The following MNAT1 variants were observed in gnomAD, a reference collection of about 807,000 sequenced individuals.
MNAT1 encodes MNAT1 component of CDK activating kinase.
Under a neutral mutation model 42.0 loss-of-function variants are expected in MNAT1, and 43 were observed. The ratio of observed to expected loss-of-function variants is 1.02; its 90% CI spans 0.80 to 1.32. The LOEUF is 1.32. Among genes scored for constraint, MNAT1 ranks in the 40% most tolerant of loss-of-function variants. MNAT1 has a pLI of 0.00. For missense variants in MNAT1, 306 were observed against 350.4 expected, an observed-to-expected ratio of 0.87 and a Z score of 1.01; for synonymous variants, 118 against 120.0, an observed-to-expected ratio of 0.98 and a Z score of 0.11.
rs1394541959 is a variant in MNAT1 at position 60,898,717 on chromosome 14, C to T, written c.809+18882C>T. ...TCCCAATCAACATCTTGTCTCCTCA[C>T]TCTGTTGATTGTTTCCTTTGCTGTG... On this transcript the variant is annotated intron_variant, in intron 7 of 7. Transcript: ENST00000261245. Among the ~76,000 whole-genome samples the T allele has an allele frequency of 2.0e-5, 3 of 152,240 alleles. No homozygotes were observed. In the East Asian group the frequency reaches 5.8e-4, roughly 29 times the overall value.
At chr14:60,815,549 T>C (rs527271415) in intron 5 of MNAT1, among the ~76,000 whole-genome samples, 8 of 152,220 alleles carry the variant, frequency 5.3e-5, no homozygotes, top group Non-Finnish European at 1.0e-4. Flanking sequence ...ACTGTTTTGC[T>C]GCCTCATTGA....
intron 6 of MNAT1, among the ~76,000 whole-genome samples, chr14:60,842,262 T>G (rs538101187): frequency 2.0e-5 from 3 of 152,386 alleles, no homozygotes; most frequent in South Asian, 4.1e-4. Context: ...CAGAAAATAT[T>G]TGTTAACTCC....
intron 6 of MNAT1, among the ~76,000 whole-genome samples, chr14:60,876,170 T>A (rs2034432319): frequency 6.6e-6 from 1 of 152,110 alleles, no homozygotes; most frequent in Non-Finnish European, 1.5e-5. Flanking sequence ...ACTCAGGCAC[T>A]GTCTTCTTAA....
chr14:60,787,286 A>C (rs1049823121), intron 1 of MNAT1, among the ~76,000 whole-genome samples: 1 of 152,244 alleles, frequency 6.6e-6, no homozygotes, highest in Non-Finnish European at 1.5e-5. Flanking sequence ...TTATGTTTAC[A>C]CTATACTGTA....
intron 1 of MNAT1, among the ~76,000 whole-genome samples, chr14:60,790,944 G>T (rs1209916582): frequency 6.6e-6 from 1 of 152,030 alleles, no homozygotes; most frequent in Non-Finnish European, 1.5e-5. Flanking sequence ...ATTTAAATTT[G>T]GCTTAGGAGT....
intron 1 of MNAT1, among the ~76,000 whole-genome samples, chr14:60,762,067 G>A (rs968255249): frequency 6.6e-6 from 1 of 152,044 alleles, no homozygotes; most frequent in African/African-American, 2.4e-5. Context: ...ATGTTTTACT[G>A]ATTCTATTTT....
At chr14:60,942,188 C>T (rs369071127) in intron 7 of MNAT1, among the ~76,000 whole-genome samples, 57 of 151,896 alleles carry the variant, frequency 3.8e-4, no homozygotes, top group East Asian at 7.7e-4. Flanking sequence ...AAATGATTAC[C>T]GTTAAGTTGT....
intron 1 of MNAT1, among the ~76,000 whole-genome samples, 165 bp downstream of exon 1, chr14:60,735,116 G>A (rs4151151): frequency 5.8e-4 from 89 of 152,238 alleles, no homozygotes; most frequent in East Asian, 4.8e-3. Flanking sequence ...GACTGTAGCC[G>A]CTAGCCCCGA....
chr14:60,849,788 T>G (rs981603636), intron 6 of MNAT1, among the ~76,000 whole-genome samples: 4 of 152,110 alleles, frequency 2.6e-5, no homozygotes, highest in African/African-American at 9.7e-5. Flanking sequence ...AACAAATAAT[T>G]TTTTCTTCGG....
intron 6 of MNAT1, among the ~76,000 whole-genome samples, chr14:60,858,423 T>G (rs1317470275): frequency 6.6e-6 from 1 of 151,948 alleles, no homozygotes; most frequent in Non-Finnish European, 1.5e-5. Context: ...GATGGGGTTT[T>G]TTTTTTTTTT....
At chr14:60,749,356 C>T (rs1434403034) in intron 1 of MNAT1, among the ~76,000 whole-genome samples, 43 of 152,054 alleles carry the variant, frequency 2.8e-4, no homozygotes. Context: ...CATTAGTTTC[C>T]TTTAGGGATA....
chr14:60,750,217 G>A lies in MNAT1; in HGVS notation c.89+15266G>A, dbSNP rs534303242. 1.3e-3 allele frequency among the ~76,000 whole-genome samples: 199 copies of A among 151,256 alleles called. 1 individual carries two copies. The highest frequency in any genetic ancestry group is 4.6e-3 in the African/African-American group (188 of 41,260). ...CTTTTGAGTCATTAAAAATAAATTC[G>A]TTTTTCTTTCTTTCTTTTTTTTTTT... On this transcript the variant is annotated intron_variant, in intron 1 of 7. Coordinates refer to ENST00000261245, the MANE Select transcript of MNAT1 (RefSeq NM_002431.4).
At chr14:60,807,973 T>C (rs1320134964) in intron 3 of MNAT1, among the ~76,000 whole-genome samples, 1 of 152,126 alleles carries the variant, frequency 6.6e-6, no homozygotes, top group Non-Finnish European at 1.5e-5. Flanking sequence ...TTGTAGTAGA[T>C]TCCAGACTTA....
At chr14:60,747,306 G>C (rs1393016183) in intron 1 of MNAT1, among the ~76,000 whole-genome samples, 2 of 151,846 alleles carry the variant, frequency 1.3e-5, no homozygotes. Context: ...TTAATGATGG[G>C]TATCCATTCT....
At chr14:60,848,001 T>C (rs1451587549) in intron 6 of MNAT1, among the ~76,000 whole-genome samples, 1 of 152,192 alleles carries the variant, frequency 6.6e-6, no homozygotes, top group Admixed American at 6.5e-5. Flanking sequence ...GTCTTTTAGA[T>C]TTGTCTATGT....
intron 7 of MNAT1, among the ~76,000 whole-genome samples, chr14:60,912,820 C>T (rs981037200): frequency 6.6e-6 from 1 of 152,114 alleles, no homozygotes; most frequent in African/African-American, 2.4e-5. Flanking sequence ...TTGCTCTTCT[C>T]GAGGAGTATC....
At chr14:60,961,601 C>T (rs1247790591) in intron 7 of MNAT1, among the ~76,000 whole-genome samples, 1 of 152,106 alleles carries the variant, frequency 6.6e-6, no homozygotes, top group African/African-American at 2.4e-5. Flanking sequence ...ATTCATCAAG[C>T]CCTACTTTCT....
intron 6 of MNAT1, among the ~76,000 whole-genome samples, chr14:60,852,223 A>G (rs772037331): frequency 6.6e-6 from 1 of 152,178 alleles, no homozygotes; most frequent in Non-Finnish European, 1.5e-5. Context: ...AATGATTGCC[A>G]TTCTCACTGG....
intron 6 of MNAT1, among the ~76,000 whole-genome samples, chr14:60,828,037 A>T (rs925701652): frequency 6.6e-6 from 1 of 152,134 alleles, no homozygotes; most frequent in Non-Finnish European, 1.5e-5. Flanking sequence ...ACCTAAATAA[A>T]ATTTTTATGA....
Sources: allele counts gnomAD v4.1 joint callset (sites outside exome capture counted in the v4.1 genomes callset), GRCh38; gene constraint gnomAD v4.1.1; transcripts MANE v1.5; gene names NCBI Gene and HGNC (gene_info 2026-07-23, HGNC 2026-07-21).